The following ZNF516 variants were observed in gnomAD, a reference collection of about 807,000 sequenced individuals.
ZNF516 encodes zinc finger protein 516.
ZNF516 carries 19 observed loss-of-function variants against 79.7 expected under a neutral mutation model. The observed-to-expected ratio is 0.24, with a 90% CI of 0.17 to 0.35. ZNF516 has a LOEUF of 0.35. Among genes scored for constraint, ZNF516 ranks in the 10% least tolerant of loss-of-function variants. The pLI, the probability that ZNF516 is intolerant of heterozygous loss-of-function variation, is 1.00. For missense variants in ZNF516, 1,678 were observed against 1,679.5 expected (o/e 1.00, Z 0.02); for synonymous variants, 877 against 739.5 (o/e 1.19, Z -3.02).
chr18:76,473,904 G>GTGT (rs1555718878), intron 1 of ZNF516, among the ~76,000 whole-genome samples: 932 of 63,012 alleles, frequency 0.015, 98 homozygotes, highest in Non-Finnish European at 0.022. Flanking sequence ...GTTTTTGTGT[G>GTGT]GGGGGGGGGG....
At chr18:76,364,426 G>A (rs1017571408) in intron 6 of ZNF516, among the ~76,000 whole-genome samples, 7 of 152,322 alleles carry the variant, frequency 4.6e-5, no homozygotes, top group Non-Finnish European at 4.4e-5. Context: ...GCCCACCATC[G>A]CCTTGTCTTC....
At chr18:76,392,746 T>C (rs1276047074) in intron 3 of ZNF516, among the ~76,000 whole-genome samples, 1 of 7,948 alleles carries the variant, frequency 1.3e-4, no homozygotes, top group African/African-American at 6.6e-4. Context: ...GGGGGAAAGG[T>C]GGATGGGAAG....
At chr18:76,485,931 T>TAATAATAATAATAAA (rs1386897054) in intron 1 of ZNF516, among the ~76,000 whole-genome samples, 10 of 149,588 alleles carry the variant, frequency 6.7e-5, no homozygotes, top group Non-Finnish European at 8.9e-5. Context: ...ATAATAATAA[T>TAATAATAATAATAAA]AAACATACTT....
chr18:76,405,306 G>A (rs916353281), intron 3 of ZNF516, among the ~76,000 whole-genome samples: 5 of 152,118 alleles, frequency 3.3e-5, no homozygotes, highest in Non-Finnish European at 7.4e-5. Context: ...ATAGCTCACT[G>A]CGGGTGTCCT....
intron 1 of ZNF516, among the ~76,000 whole-genome samples, chr18:76,488,463 C>A (rs1914961498): frequency 6.9e-6 from 1 of 144,646 alleles, no homozygotes; most frequent in Non-Finnish European, 1.5e-5. Flanking sequence ...CACGGGTATT[C>A]CTTGGACTAC....
intron 3 of ZNF516, among the ~76,000 whole-genome samples, chr18:76,411,443 A>G (rs1191442622): frequency 6.6e-6 from 1 of 152,254 alleles, no homozygotes; most frequent in Non-Finnish European, 1.5e-5. Flanking sequence ...TCTTAACCAC[A>G]GGTAATTCTA....
At chr18:76,446,232 C>A (rs766498999) in intron 2 of ZNF516, among the ~76,000 whole-genome samples, 1 of 152,206 alleles carries the variant, frequency 6.6e-6, no homozygotes, top group Non-Finnish European at 1.5e-5. Context: ...AATCCAGTGA[C>A]CCCCTCAGAG....
In ZNF516 at chr18:76,379,660, G is replaced by A. The variant is rs1450095153; in HGVS notation, c.2454C>T (p.Pro818=). ...VFLSRSGRTG[P]PPALGGKECQ... ...ATTCTTTGCCACCGAGGGCAGGCGG[G>A]GGGCCCGTGCGTCCGCTCCGGGAAA... The change falls in exon 4 of 7, where the codon CCC becomes CCT. Residue 818 remains proline, a synonymous_variant. Coordinates refer to ENST00000443185, the MANE Select transcript of ZNF516 (RefSeq NM_014643.4). 1.2e-6 allele frequency: 2 copies of A among 1,613,504 alleles called. No individual in the cohort carries two copies. The highest frequency in any genetic ancestry group is 2.2e-5 in the East Asian group (1 of 44,882).
intron 6 of ZNF516, among the ~76,000 whole-genome samples, chr18:76,368,976 C>T (rs968237646): frequency 1.3e-5 from 2 of 152,166 alleles, no homozygotes; most frequent in African/African-American, 2.4e-5. Flanking sequence ...CCTGGCTTCC[C>T]GCCCCTGTCA....
At chr18:76,486,700 A>C (rs1599165562) in intron 1 of ZNF516, among the ~76,000 whole-genome samples, 1 of 145,052 alleles carries the variant, frequency 6.9e-6, no homozygotes. Context: ...AAAAAAAAAA[A>C]ACACCAGATT....
intron 1 of ZNF516, among the ~76,000 whole-genome samples, chr18:76,483,782 A>G (rs1032308446): frequency 1.1e-4 from 17 of 152,204 alleles, no homozygotes; most frequent in Admixed American, 2.0e-4. Context: ...TGGGTTTCGC[A>G]AGAAAACCTG....
rs1251444883 is a variant in ZNF516, at chr18:76,459,550, G to A, written c.-158+3478C>T. Reference sequence around the variant, plus strand: ...ATCGGGCACCGCGTCGCCTCCCTCGGAATGTATTCCAGCACTGTCTGCCAT... The same window carrying A: ...ATCGGGCACCGCGTCGCCTCCCTCGAAATGTATTCCAGCACTGTCTGCCAT... On this transcript the variant is annotated intron_variant, in intron 2 of 6. Coordinates refer to ENST00000443185, the MANE Select transcript of ZNF516 (RefSeq NM_014643.4). This position sits in a 1 kb window ranked among gnomAD's most constrained non-coding sequence, Gnocchi z 5.0. Among the ~76,000 whole-genome samples the A allele has an allele frequency of 6.6e-6, 1 of 152,210 alleles. No individual in the cohort carries two copies. The highest frequency in any genetic ancestry group is 1.5e-5 in the Non-Finnish European group (1 of 68,038).
At chr18:76,446,419 G>C (rs1019282935) in intron 2 of ZNF516, among the ~76,000 whole-genome samples, 1 of 152,180 alleles carries the variant, frequency 6.6e-6, no homozygotes, top group Non-Finnish European at 1.5e-5. Flanking sequence ...ATCTAGCCCA[G>C]CTCAGCAGCA....
intron 1 of ZNF516, among the ~76,000 whole-genome samples, chr18:76,481,465 G>A (rs1208492657): frequency 5.9e-5 from 9 of 152,202 alleles, no homozygotes; most frequent in Admixed American, 3.3e-4. Flanking sequence ...CAAATGGCTC[G>A]GACCAAAATG....
At chr18:76,463,592 C>A (rs1265332171) in intron 1 of ZNF516, among the ~76,000 whole-genome samples, 2 of 152,234 alleles carry the variant, frequency 1.3e-5, no homozygotes, top group African/African-American at 4.8e-5. Flanking sequence ...GGCTCTCGCT[C>A]TTCTTGGGGA....
At chr18:76,405,078 T>A (rs2075286421) in intron 3 of ZNF516, among the ~76,000 whole-genome samples, 1 of 152,160 alleles carries the variant, frequency 6.6e-6, no homozygotes, top group South Asian at 2.1e-4. Context: ...GCTAGGCAGA[T>A]ACTCGCTTTC....
intron 3 of ZNF516, among the ~76,000 whole-genome samples, chr18:76,381,506 C>T (rs2074892264): frequency 6.6e-6 from 1 of 152,208 alleles, no homozygotes; most frequent in African/African-American, 2.4e-5. Flanking sequence ...GATCTGCTAA[C>T]TCAGAATGTT....
upstream of ZNF516, chr18:76,495,729 TACC>T: frequency 8.5e-7 from 1 of 1,177,198 alleles, no homozygotes. Context: ...CGCCGGCGGG[TACC>T]TGGGCACTGC....
Position 76,472,082 on chromosome 18 carries a change from C to T in ZNF516, c.-271-8941G>A, listed in dbSNP as rs1913876872. 1.3e-5 allele frequency among the ~76,000 whole-genome samples: 2 copies of T among 152,228 alleles called. 1 individual carries two copies. Among genetic ancestry groups the T allele is most frequent in the African/African-American group, 4.8e-5 (2 of 41,462 alleles). Reference sequence around the variant, plus strand: ...TCACAAATCTAGCCCAGAGCTCCATCCTCTTCCTGTTCTGAACCATCAAAC... The same window carrying T: ...TCACAAATCTAGCCCAGAGCTCCATTCTCTTCCTGTTCTGAACCATCAAAC... On this transcript the variant is annotated intron_variant, in intron 1 of 6. Coordinates refer to ENST00000443185, the MANE Select transcript of ZNF516 (RefSeq NM_014643.4).
Sources: gnomAD v4.1 joint callset for allele counts (sites outside exome capture counted in the v4.1 genomes callset) on GRCh38, gnomAD v4.1.1 for gene constraint, Gnocchi (gnomAD v3.1) non-coding constraint, MANE v1.5 for transcripts, NCBI Gene and HGNC (gene_info 2026-07-23, HGNC 2026-07-21) for gene names.